The following GPA33 variants were observed in gnomAD, a reference collection of about 807,000 sequenced individuals.
GPA33 encodes cell surface A33 antigen.
GPA33 carries 27 observed loss-of-function variants against 35.6 expected under a neutral mutation model. That is an observed-to-expected ratio of 0.76 (90% CI 0.56 to 1.04). GPA33 has a LOEUF of 1.04. Among genes scored for constraint, GPA33 ranks in the 50% least tolerant of loss-of-function variants. GPA33 has a pLI of 0.00. For missense variants in GPA33, 428 were observed against 411.9 expected, an observed-to-expected ratio of 1.04 and a Z score of -0.34; for synonymous variants, 176 against 164.0, an observed-to-expected ratio of 1.07 and a Z score of -0.56.
At chr1:167,062,646 CTTTTTTTT>C (rs768326263) in intron 4 of GPA33, among the ~76,000 whole-genome samples, 5 of 79,992 alleles carry the variant, frequency 6.3e-5, no homozygotes, top group African/African-American at 2.3e-4. Context: ...ATAGCTCTTT[CTTTTTTTT>C]TTTTTTTTTT....
chr1:167,059,239 G>A (rs1571304639), intron 4 of GPA33, among the ~76,000 whole-genome samples: 2 of 152,278 alleles, frequency 1.3e-5, no homozygotes, highest in East Asian at 1.9e-4. Context: ...CTTTGATTCC[G>A]AGTTGGGGCT....
intron 1 of GPA33, among the ~76,000 whole-genome samples, chr1:167,087,908 T>TCACACACACACACA (rs1491326252): frequency 0.16 from 23,874 of 149,010 alleles, 2,121 homozygotes; most frequent in Middle Eastern, 0.22. Context: ...CCAGACTCTG[T>TCACACACACACACA]CTCACACACA....
intron 4 of GPA33, among the ~76,000 whole-genome samples, chr1:167,059,895 A>G (rs1345133667): frequency 6.6e-6 from 1 of 152,046 alleles, no homozygotes; most frequent in Non-Finnish European, 1.5e-5. Context: ...GCTTGTTTCC[A>G]CTGAGGGTTT....
At chr1:167,073,148 A>G (rs369081370) in intron 2 of GPA33, among the ~76,000 whole-genome samples, 5 of 152,210 alleles carry the variant, frequency 3.3e-5, no homozygotes, top group Non-Finnish European at 7.3e-5. Context: ...AATTTAGGTC[A>G]TTTGAGATTG....
chr1:167,068,710 C>T lies in GPA33; in HGVS notation c.415+212G>A, dbSNP rs567703543. Among the ~76,000 whole-genome samples, 3 of 152,318 alleles carry T rather than the reference C, an allele frequency of 2.0e-5. No homozygotes were observed. In the South Asian group the frequency reaches 6.2e-4, roughly 32 times the overall value. ...CCACTCCAAGTCGGCCTTCTCTGTC[C>T]TCGAGACTGTTGGCCATTGGCGGAG... is the stretch of plus-strand genomic sequence containing the variant. On this transcript the variant is annotated intron_variant, in intron 3 of 6. Coordinates refer to ENST00000367868, the MANE Select transcript of GPA33 (RefSeq NM_005814.3).
rs764755188 is a variant in GPA33, at chr1:167,069,005, T to A, written c.332A>T (p.Asp111Val). ...SITIDQLTMA[D>V]NGTYECSVSL... Reference sequence around the variant, plus strand: ...GACAGAACACTCGTAGGTGCCGTTGTCAGCCATGGTCAGCTGATCAATGGT... The same window carrying A: ...GACAGAACACTCGTAGGTGCCGTTGACAGCCATGGTCAGCTGATCAATGGT... The change falls in exon 3 of 7, where the codon GAC becomes GTC. Residue 111 changes from aspartate (D) to valine (V), a missense_variant. Asp to Val is a radical substitution (Grantham distance 152). Transcript: ENST00000367868. 1.2e-6 allele frequency: 2 copies of A among 1,614,002 alleles called. No individual in the cohort carries two copies. Among genetic ancestry groups the A allele is most frequent in the South Asian group, 1.1e-5 (1 of 91,088 alleles).
At chr1:167,085,973 C>G (rs1351864642) in intron 1 of GPA33, among the ~76,000 whole-genome samples, 1 of 152,210 alleles carries the variant, frequency 6.6e-6, no homozygotes, top group African/African-American at 2.4e-5. Context: ...ATTTTCACTT[C>G]CCAGGTGACT....
At chr1:167,055,433 T>C (rs1470728934) in intron 5 of GPA33, among the ~76,000 whole-genome samples, 1 of 152,182 alleles carries the variant, frequency 6.6e-6, no homozygotes, top group Non-Finnish European at 1.5e-5. Context: ...GCAGCTGCCC[T>C]GGGCACTTCC....
At chr1:167,081,964 T>C (rs1666958537) in intron 1 of GPA33, among the ~76,000 whole-genome samples, 1 of 152,140 alleles carries the variant, frequency 6.6e-6, no homozygotes. Flanking sequence ...AGCATCCTAA[T>C]AGAGCCCAAT....
At chr1:167,061,749 T>C (rs1050269300) in intron 4 of GPA33, among the ~76,000 whole-genome samples, 2 of 151,916 alleles carry the variant, frequency 1.3e-5, no homozygotes, top group South Asian at 2.1e-4. Flanking sequence ...ACTACAGGCG[T>C]CCGCCACCAC....
At chr1:167,075,846 G>C (rs772346622) in intron 1 of GPA33, among the ~76,000 whole-genome samples, 1 of 152,214 alleles carries the variant, frequency 6.6e-6, no homozygotes, top group Non-Finnish European at 1.5e-5. Context: ...TGGCTAGGGA[G>C]ACAGGAAGAG....
chr1:167,055,747 G>T lies in GPA33; in HGVS notation c.674C>A (p.Thr225Lys). Reference sequence around the variant, plus strand: ...GCTCTTACGAGATCTGACGGCCACCGTGATGTTGCAGAACTGCGTCCCCTC... The same window carrying T: ...GCTCTTACGAGATCTGACGGCCACCTTGATGTTGCAGAACTGCGTCCCCTC... ...NEEGTQFCNITVAVRSPSMNV... is the reference protein window; with the variant it reads ...NEEGTQFCNIKVAVRSPSMNV... The change falls in exon 5 of 7, where the codon ACG (threonine) becomes AAG (lysine). Residue 225 changes from threonine to lysine, a missense_variant. Physicochemically the swap from Thr to Lys is moderately conservative, Grantham distance 78. Coordinates refer to ENST00000367868, the MANE Select transcript of GPA33 (RefSeq NM_005814.3). 6.2e-7 allele frequency: 1 copy of T among 1,614,008 alleles called. No homozygotes were observed. The highest frequency in any genetic ancestry group is 8.5e-7 in the Non-Finnish European group (1 of 1,179,930).
rs904970174 is a variant in GPA33 at position 167,054,205 on chromosome 1, G to T, written c.*129C>A. On this transcript the variant is annotated 3_prime_UTR_variant, in exon 7 of 7. Transcript: ENST00000367868. Reference sequence around the variant, plus strand: ...CCATGTTCCCCACAGCTGACACTGGGGAAGAAATGTCCCCATCAATGTCTG... The same window carrying T: ...CCATGTTCCCCACAGCTGACACTGGTGAAGAAATGTCCCCATCAATGTCTG... 3 of 1,229,330 alleles carry T rather than the reference G, an allele frequency of 2.4e-6. No individual in the cohort carries two copies. Among genetic ancestry groups the T allele is most frequent in the African/African-American group, 3.0e-5 (2 of 67,220 alleles). The allele number at this position is 1,229,330 out of a possible 1,614,324, so 76.2% of individuals were successfully genotyped here. A position where few individuals can be genotyped will look rare whatever the true frequency, so the allele number is the denominator to read the frequency against.
intron 4 of GPA33, among the ~76,000 whole-genome samples, chr1:167,063,253 C>G (rs543870602): frequency 6.6e-6 from 1 of 152,116 alleles, no homozygotes; most frequent in Non-Finnish European, 1.5e-5. Context: ...CATGGTGAAA[C>G]CCCGTCTCTA....
chr1:167,059,399 G>A (rs998603445), intron 4 of GPA33, among the ~76,000 whole-genome samples: 2 of 152,102 alleles, frequency 1.3e-5, no homozygotes, highest in Non-Finnish European at 2.9e-5. Flanking sequence ...TCCAGCTGTG[G>A]AGAGATTCCC....
chr1:167,079,492 A>C (rs1571318134), intron 1 of GPA33, among the ~76,000 whole-genome samples: 1 of 141,140 alleles, frequency 7.1e-6, no homozygotes, highest in African/African-American at 2.9e-5. Flanking sequence ...TCCAAAAAAA[A>C]AAAAAAAAAG....
intron 1 of GPA33, 46 bp downstream of exon 1, chr1:167,090,199 T>C: frequency 6.8e-7 from 1 of 1,462,350 alleles, no homozygotes. Flanking sequence ...TAGGTCCCCA[T>C]GTCTCACCCA....
chr1:167,057,807 AGT>A (rs1225851503), intron 4 of GPA33, among the ~76,000 whole-genome samples: 9 of 152,244 alleles, frequency 5.9e-5, no homozygotes. Context: ...AAAGAAGTTA[AGT>A]GAACTGCTCA....
intron 1 of GPA33, among the ~76,000 whole-genome samples, chr1:167,088,317 AC>A (rs946635018): frequency 3.3e-5 from 5 of 152,120 alleles, no homozygotes; most frequent in African/African-American, 4.8e-5. Context: ...CTTTTGGTCG[AC>A]CTTTGAAGGT....
Sources: allele counts gnomAD v4.1 joint callset (sites outside exome capture counted in the v4.1 genomes callset), GRCh38; gene constraint gnomAD v4.1.1; transcripts MANE v1.5; gene names NCBI Gene and HGNC (gene_info 2026-07-23, HGNC 2026-07-21).